EXOC4: variants seen among roughly 807,000 people sequenced by gnomAD.
EXOC4 encodes the protein exocyst complex component 4.
EXOC4 carries 71 observed loss-of-function variants against 107.2 expected under a neutral mutation model. The observed-to-expected ratio is 0.66, with a 90% CI of 0.55 to 0.81. The LOEUF (loss-of-function observed/expected upper bound fraction) is 0.81, where lower values mean the gene tolerates loss of function less well. EXOC4 is among the 30% of genes least tolerant of loss of function. EXOC4 has a pLI of 0.00. For missense variants in EXOC4, 1,108 were observed against 1,189.6 expected (o/e 0.93, Z 1.01); for synonymous variants, 456 against 441.2 (o/e 1.03, Z -0.42).
At chr7:133,522,855 T>C (rs1369206311) in intron 9 of EXOC4, among the ~76,000 whole-genome samples, 1 of 152,162 alleles carries the variant, frequency 6.6e-6, no homozygotes, top group Non-Finnish European at 1.5e-5. Flanking sequence ...AATGGGAGCC[T>C]ACATTCCCAA....
chr7:133,947,257 TG>T (rs1800575902), intron 14 of EXOC4, among the ~76,000 whole-genome samples: 1 of 152,208 alleles, frequency 6.6e-6, no homozygotes, highest in African/African-American at 2.4e-5. Context: ...ATCTTATCCC[TG>T]GAGCTCTCAT....
chr7:133,954,144 G>T (rs1042822837), intron 14 of EXOC4, among the ~76,000 whole-genome samples: 5 of 152,176 alleles, frequency 3.3e-5, no homozygotes. Context: ...GGAAACTGTG[G>T]ATTGACACTA....
At chr7:133,979,850 T>C (rs1254676780) in intron 14 of EXOC4, among the ~76,000 whole-genome samples, 1 of 152,068 alleles carries the variant, frequency 6.6e-6, no homozygotes, top group Non-Finnish European at 1.5e-5. Flanking sequence ...GCAGACATCC[T>C]TTCCTTGGAA....
At chr7:133,486,089 CA>C (rs1799265338) in intron 9 of EXOC4, among the ~76,000 whole-genome samples, 1 of 151,970 alleles carries the variant, frequency 6.6e-6, no homozygotes, top group African/African-American at 2.4e-5. Flanking sequence ...TGTAAATCTC[CA>C]ACCACTTGAG....
intron 17 of EXOC4, chr7:134,009,974 C>T (rs1035530050): frequency 6.6e-6 from 1 of 152,060 alleles, no homozygotes; most frequent in Admixed American, 6.6e-5. Context: ...CTTTCACAGT[C>T]GGATTGGTGA....
At chr7:133,737,391 T>C (rs1343393409) in intron 10 of EXOC4, among the ~76,000 whole-genome samples, 5 of 152,128 alleles carry the variant, frequency 3.3e-5, no homozygotes, top group Non-Finnish European at 7.3e-5. Context: ...CCCTAGCCTT[T>C]AAACTTTTTT....
At chr7:133,900,006 G>A (rs962139433) in intron 12 of EXOC4, among the ~76,000 whole-genome samples, 7 of 151,960 alleles carry the variant, frequency 4.6e-5, no homozygotes, top group Admixed American at 2.6e-4. Context: ...CCACCGCCTC[G>A]GCCTCACCAA....
intron 5 of EXOC4, among the ~76,000 whole-genome samples, chr7:133,338,599 CA>C (rs35420911): frequency 3.1e-4 from 25 of 79,732 alleles, no homozygotes; most frequent in African/African-American, 1.2e-3. Flanking sequence ...GACTCCGTCT[CA>C]AAAAAAAAAA....
intron 14 of EXOC4, among the ~76,000 whole-genome samples, chr7:133,975,740 C>T (rs1027663501): frequency 9.7e-5 from 8 of 82,250 alleles, no homozygotes; most frequent in African/African-American, 2.6e-4. Flanking sequence ...TTCTAAAATG[C>T]GTGTGCACAC....
intron 9 of EXOC4, among the ~76,000 whole-genome samples, chr7:133,593,189 GT>G (rs1282650412): frequency 6.6e-6 from 1 of 152,226 alleles, no homozygotes. Flanking sequence ...CTGTACCATA[GT>G]AAGCACTGTG....
intron 17 of EXOC4, among the ~76,000 whole-genome samples, chr7:134,021,388 CT>C (rs1411994523): frequency 6.6e-6 from 1 of 152,132 alleles, no homozygotes; most frequent in Non-Finnish European, 1.5e-5. Context: ...TAGACGCTGG[CT>C]ACTGCTTTTG....
chr7:133,883,674 A>G (rs1290113166), intron 11 of EXOC4, among the ~76,000 whole-genome samples: 1 of 151,990 alleles, frequency 6.6e-6, no homozygotes, highest in Non-Finnish European at 1.5e-5. Context: ...AATAAATAAA[A>G]CTGTTGTGAA....
intron 9 of EXOC4, among the ~76,000 whole-genome samples, chr7:133,606,274 C>T (rs1314637056): frequency 6.6e-6 from 1 of 151,994 alleles, no homozygotes; most frequent in East Asian, 1.9e-4. Context: ...CACAGAGAGT[C>T]CAGGGTTCAC....
At chr7:134,033,825 A>C (rs910100562) in intron 17 of EXOC4, among the ~76,000 whole-genome samples, 3 of 152,234 alleles carry the variant, frequency 2.0e-5, no homozygotes, top group African/African-American at 7.2e-5. Flanking sequence ...TATCAGACTT[A>C]TGATCAATAG....
In EXOC4 at chr7:133,569,082, T is replaced by G. The variant is rs150577911; in HGVS notation, c.1418-60963T>G. ...CAAGATGTTGGAGAGGGTAGTAATA[T>G]GAGAACACAAACTTCCCAACTGTGT... On this transcript the variant is annotated intron_variant, in intron 9 of 17. Coordinates refer to ENST00000253861, the MANE Select transcript of EXOC4 (RefSeq NM_021807.4). Among the ~76,000 whole-genome samples the G allele has an allele frequency of 1.4e-4, 22 of 152,224 alleles. No homozygotes were observed. In the East Asian group the frequency reaches 3.9e-3, roughly 27 times the overall value.
intron 10 of EXOC4, among the ~76,000 whole-genome samples, chr7:133,648,206 C>A (rs1260578201): frequency 6.6e-6 from 1 of 152,006 alleles, no homozygotes; most frequent in East Asian, 1.9e-4. Flanking sequence ...CCTCTATTGC[C>A]AAAGAGGAGC....
the EXOC4 span, among the ~76,000 whole-genome samples, chr7:134,091,587 G>A: frequency 3.3e-5 from 5 of 152,258 alleles, no homozygotes; most frequent in South Asian, 2.1e-4. Context: ...CTCATTTTAC[G>A]CAGCCCTTAT....
At chr7:134,091,079 A>G in the EXOC4 span, among the ~76,000 whole-genome samples, 1 of 152,072 alleles carries the variant, frequency 6.6e-6, no homozygotes. Flanking sequence ...TGCCAGAAAG[A>G]TGTTACAGGA....
intron 11 of EXOC4, among the ~76,000 whole-genome samples, chr7:133,818,327 A>G (rs1434669578): frequency 6.6e-6 from 1 of 152,198 alleles, no homozygotes; most frequent in African/African-American, 2.4e-5. Context: ...CCTAAATTGT[A>G]CAATATGAGA....
Sources: gnomAD v4.1 joint callset for allele counts (sites outside exome capture counted in the v4.1 genomes callset) on GRCh38, gnomAD v4.1.1 for gene constraint, MANE v1.5 for transcripts, NCBI Gene and HGNC (gene_info 2026-07-23, HGNC 2026-07-21) for gene names.